ABCA12: variants seen among roughly 807,000 people sequenced by gnomAD.
ABCA12 encodes ATP binding cassette subfamily A member 12.
In ABCA12, 156 loss-of-function variants were observed where a neutral mutation model predicts 293.5. That is an observed-to-expected ratio of 0.53 (90% CI 0.47 to 0.61). The LOEUF (loss-of-function observed/expected upper bound fraction) is 0.61, where lower values mean the gene tolerates loss of function less well. Among genes scored for constraint, ABCA12 ranks in the 20% least tolerant of loss-of-function variants. The pLI is 0.00. For synonymous variants in ABCA12, 1,063 were observed against 1,108.0 expected, an observed-to-expected ratio of 0.96 and a Z score of 0.81; for missense variants, 2,797 against 3,090.2, an observed-to-expected ratio of 0.91 and a Z score of 2.25.
intron 51 of ABCA12, among the ~76,000 whole-genome samples, chr2:214,936,742 G>A (rs1698231470): frequency 6.6e-6 from 1 of 152,044 alleles, no homozygotes; most frequent in Non-Finnish European, 1.5e-5. Flanking sequence ...CAACTTTTGT[G>A]GGCTTCTCTT....
chr2:215,099,691 CAA>C (rs66500510), intron 2 of ABCA12, among the ~76,000 whole-genome samples: 2,564 of 117,828 alleles, frequency 0.022, 51 homozygotes, highest in African/African-American at 0.064. Flanking sequence ...GACTTCATCT[CAA>C]AAAAAAAAAA....
intron 8 of ABCA12, among the ~76,000 whole-genome samples, chr2:215,034,685 T>G (rs891874164): frequency 4.6e-5 from 7 of 152,220 alleles, no homozygotes; most frequent in African/African-American, 1.7e-4. Context: ...ACTTACTGGA[T>G]GAGTAACACA....
At chr2:214,964,661 C>G (rs1029753849) in intron 39 of ABCA12, among the ~76,000 whole-genome samples, 1 of 152,082 alleles carries the variant, frequency 6.6e-6, no homozygotes. Flanking sequence ...CCCAGGAATA[C>G]AGCTAACAAA....
intron 7 of ABCA12, among the ~76,000 whole-genome samples, 198 bp from the exon 8 acceptor site, chr2:215,037,263 G>A (rs1452030740): frequency 6.6e-6 from 1 of 152,154 alleles, no homozygotes; most frequent in Non-Finnish European, 1.5e-5. Flanking sequence ...ACCAGACAGA[G>A]CAGTTTATGT....
At chr2:214,947,241 T>C (rs1037262361) in intron 48 of ABCA12, among the ~76,000 whole-genome samples, 181 bp downstream of exon 48, 17 of 152,206 alleles carry the variant, frequency 1.1e-4, no homozygotes, top group Admixed American at 7.2e-4. Context: ...TGGTAACAAA[T>C]TATTTGCTGA....
chr2:215,138,089 A>T, intron 1 of ABCA12, 51 bp downstream of exon 1: 1 of 1,524,420 alleles, frequency 6.6e-7, no homozygotes, highest in Non-Finnish European at 9.1e-7. Flanking sequence ...TTTTAGGATT[A>T]CCTGGCGTAT....
At chr2:214,963,127 A>G (rs1699159576) in intron 39 of ABCA12, 1 of 152,146 alleles carries the variant, frequency 6.6e-6, no homozygotes, top group Non-Finnish European at 1.5e-5. Flanking sequence ...CAACGAATCC[A>G]GGAGCTGTTT....
At chr2:215,084,043 T>A (rs1411306976) in intron 2 of ABCA12, among the ~76,000 whole-genome samples, 1 of 152,064 alleles carries the variant, frequency 6.6e-6, no homozygotes, top group Non-Finnish European at 1.5e-5. Context: ...AGTGACATGA[T>A]CATAGCTCAC....
chr2:215,071,234 AT>A (rs1473676658), intron 2 of ABCA12, among the ~76,000 whole-genome samples: 2 of 149,656 alleles, frequency 1.3e-5, no homozygotes, highest in African/African-American at 4.9e-5. Context: ...ATAAAATAAA[AT>A]AAAATAAAAT....
chr2:214,981,862 C>T (rs1699664846), intron 30 of ABCA12, among the ~76,000 whole-genome samples: 1 of 147,158 alleles, frequency 6.8e-6, no homozygotes. Context: ...CACCCTTGAC[C>T]TCTTGGGTTC....
chr2:214,948,512 G>GA, intron 47 of ABCA12, 84 bp downstream of exon 47: 1 of 1,441,602 alleles, frequency 6.9e-7, no homozygotes, highest in Non-Finnish European at 9.6e-7. Flanking sequence ...TGGGGCAGGG[G>GA]GGACAGTGGG....
Position 214,945,063 on chromosome 2 carries a change from G to A in ABCA12, c.7281C>T (p.His2427=), listed in dbSNP as rs1295982959. Residue 2427 remains histidine, a synonymous_variant, in exon 49 of 53, where the codon CAC becomes CAT. Coordinates refer to ENST00000272895, the MANE Select transcript of ABCA12 (RefSeq NM_173076.3). ...SSGMDPKSKR[H]LWKIISEEVQ... ...CTTCTTCTGAAATGATCTTCCAGAG[G>A]TGCCGTTTCGACTTCGGATCCATGC... 6.2e-7 allele frequency: 1 copy of A among 1,613,762 alleles called. No homozygotes were observed. The highest frequency in any genetic ancestry group is 1.7e-5 in the Admixed American group (1 of 59,936).
intron 3 of ABCA12, among the ~76,000 whole-genome samples, chr2:215,062,823 T>C (rs1701556764): frequency 1.3e-5 from 2 of 152,224 alleles, no homozygotes; most frequent in South Asian, 4.1e-4. Flanking sequence ...AATTTCTACC[T>C]GTTAAACTGC....
intron 11 of ABCA12, 53 bp from the exon 12 acceptor site, chr2:215,019,849 A>G: frequency 1.3e-6 from 2 of 1,590,826 alleles, no homozygotes; most frequent in Admixed American, 1.7e-5. Context: ...TTTTCTACAT[A>G]TATAGTAGTT....
At chr2:215,082,266 A>G (rs1419352408) in intron 2 of ABCA12, among the ~76,000 whole-genome samples, 1 of 151,684 alleles carries the variant, frequency 6.6e-6, no homozygotes, top group Non-Finnish European at 1.5e-5. Context: ...GCTGGTCTCG[A>G]ACTCCTGACC....
At chr2:215,111,078 A>G (rs1702562264) in intron 2 of ABCA12, among the ~76,000 whole-genome samples, 1 of 152,242 alleles carries the variant, frequency 6.6e-6, no homozygotes, top group East Asian at 1.9e-4. Flanking sequence ...TTACAACTTG[A>G]CAATTACTAA....
intron 30 of ABCA12, among the ~76,000 whole-genome samples, chr2:214,981,450 T>G (rs1437707400): frequency 1.3e-5 from 2 of 152,206 alleles, no homozygotes; most frequent in Non-Finnish European, 2.9e-5. Context: ...TTTTCATTTG[T>G]GTATGTTTGA....
intron 2 of ABCA12, among the ~76,000 whole-genome samples, chr2:215,086,050 G>A (rs115260762): frequency 6.3e-4 from 96 of 152,292 alleles, no homozygotes; most frequent in African/African-American, 2.2e-3. Context: ...GATACTGTTT[G>A]CTCAGCTAAT....
At position 214,998,921 on chromosome 2, in the gene ABCA12, G is replaced by T. The variant is rs11903905; in HGVS notation, c.3180-1112C>A. Among the ~76,000 whole-genome samples the T allele has an allele frequency of 1.7e-3, 256 of 152,190 alleles. 1 individual carries two copies. The highest frequency in any genetic ancestry group is 5.8e-3 in the African/African-American group (240 of 41,512). ...CCACTCAAGCTTTCACTTGGAGAAA[G>T]GTCCCAAGGCCATTTCCTTTTTTAA... On this transcript the variant is annotated intron_variant, in intron 22 of 52. Coordinates refer to ENST00000272895, the MANE Select transcript of ABCA12 (RefSeq NM_173076.3).
Sources: gnomAD v4.1 joint callset for allele counts (sites outside exome capture counted in the v4.1 genomes callset) on GRCh38, gnomAD v4.1.1 for gene constraint, MANE v1.5 for transcripts, NCBI Gene and HGNC (gene_info 2026-07-23, HGNC 2026-07-21) for gene names.